OGDH: variants seen among roughly 807,000 people sequenced by gnomAD.
The protein encoded by OGDH is oxoglutarate dehydrogenase.
A neutral mutation model predicts 116.6 loss-of-function variants in OGDH; 38 were observed. That is an observed-to-expected ratio of 0.33 (90% CI 0.25 to 0.43). The LOEUF is 0.43. Ranked by LOEUF, OGDH falls within the 20% of genes least tolerant of loss-of-function variation. The pLI is 1.00. For missense variants in OGDH, 825 were observed against 1,357.2 expected, an observed-to-expected ratio of 0.61 and a Z score of 6.16; for synonymous variants, 488 against 533.3, an observed-to-expected ratio of 0.92 and a Z score of 1.17.
rs1451670719 is a variant in OGDH, at chr7:44,611,679, A to G, written c.-28+5026A>G. ...TCCCACCTTGGCTTCCTGAAGTGCC[A>G]GGATTACAGGCGTGAGCCACTGCGC... On this transcript the variant is annotated intron_variant, in intron 1 of 22. Transcript: ENST00000222673. Among the ~76,000 whole-genome samples the G allele has an allele frequency of 7.9e-5, 12 of 151,912 alleles. No individual in the cohort carries two copies. The East Asian group carries it at 2.3e-3, about 29-fold the overall frequency.
At chr7:44,619,427 C>T (rs374661406) in intron 1 of OGDH, among the ~76,000 whole-genome samples, 141 of 152,262 alleles carry the variant, frequency 9.3e-4, no homozygotes, top group African/African-American at 3.2e-3. Context: ...GAGAATTCCC[C>T]ACACATTTAG....
chr7:44,667,045 C>T (rs189484403), intron 5 of OGDH, among the ~76,000 whole-genome samples, 194 bp downstream of exon 5: 6 of 152,218 alleles, frequency 3.9e-5, no homozygotes, highest in East Asian at 3.9e-4. Context: ...CTCCCAGTCT[C>T]AAACCATCCT....
rs538749861 is a variant in OGDH at position 44,691,259 on chromosome 7, C to G, written c.1336-2566C>G. Among the ~76,000 whole-genome samples, 10 of 152,266 alleles carry G rather than the reference C, an allele frequency of 6.6e-5. No homozygotes were observed. The South Asian group carries it at 2.1e-3, about 32-fold the overall frequency. ...ACTCTTTGTCTGCCAGATGCAATGG[C>G]TCAAACCTGTTCCCAATACTTTGGG... is the stretch of plus-strand genomic sequence containing the variant. On this transcript the variant is annotated intron_variant, in intron 10 of 22. Transcript: ENST00000222673.
At chr7:44,702,786 C>T (rs960668648) in intron 20 of OGDH, among the ~76,000 whole-genome samples, 23 of 151,932 alleles carry the variant, frequency 1.5e-4, no homozygotes, top group African/African-American at 5.1e-4. Context: ...TTAGTAGAGA[C>T]GGGGTTTCAC....
At position 44,650,460 on chromosome 7, in the gene OGDH, C is replaced by A. The variant is rs554177341; in HGVS notation, c.517+2701C>A. ...CATCTGTAAGGCAGGGGTGATGGTACCTACCTCCTCAGGTGGTTTCAAAAT... is the reference window on the plus strand; with the variant it reads ...CATCTGTAAGGCAGGGGTGATGGTAACTACCTCCTCAGGTGGTTTCAAAAT... On this transcript the variant is annotated intron_variant, in intron 4 of 22. Transcript: ENST00000222673. 1.4e-4 allele frequency among the ~76,000 whole-genome samples: 22 copies of A among 152,284 alleles called. No individual in the cohort carries two copies. In the South Asian group the frequency reaches 4.6e-3, roughly 32 times the overall value.
At chr7:44,688,677 G>A (rs188064713) in intron 10 of OGDH, among the ~76,000 whole-genome samples, 197 of 151,728 alleles carry the variant, frequency 1.3e-3, no homozygotes, top group Non-Finnish European at 2.3e-3. Context: ...TGATCCGCCA[G>A]CCTCGGCCTC....
chr7:44,702,629 A>G (rs914001568), intron 20 of OGDH, among the ~76,000 whole-genome samples: 6 of 151,756 alleles, frequency 4.0e-5, no homozygotes, highest in African/African-American at 9.7e-5. Context: ...GTCTCGCTCT[A>G]TCGCTCAGGC....
intron 1 of OGDH, among the ~76,000 whole-genome samples, chr7:44,620,840 G>C (rs557136095): frequency 6.6e-6 from 1 of 152,240 alleles, no homozygotes; most frequent in South Asian, 2.1e-4. Flanking sequence ...ATGTGGCCCA[G>C]GGAAGCCAAA....
intron 5 of OGDH, among the ~76,000 whole-genome samples, chr7:44,672,644 G>T (rs7803556): frequency 0.18 from 24,394 of 133,626 alleles, 4,206 homozygotes; most frequent in African/African-American, 0.45. Context: ...TTTGTTTTTT[G>T]TTTTTTTTTT....
chr7:44,626,904 C>T (rs1223147297), intron 2 of OGDH, among the ~76,000 whole-genome samples: 1 of 152,214 alleles, frequency 6.6e-6, no homozygotes, highest in Non-Finnish European at 1.5e-5. Flanking sequence ...GACTTCATCA[C>T]TCCTCTGCCA....
intron 1 of OGDH, among the ~76,000 whole-genome samples, chr7:44,607,863 G>A (rs1259359275): frequency 6.6e-6 from 1 of 151,996 alleles, no homozygotes; most frequent in African/African-American, 2.4e-5. Flanking sequence ...CATCACGCCC[G>A]GCTAATTTTT....
chr7:44,665,752 A>G (rs1008112310), intron 4 of OGDH, among the ~76,000 whole-genome samples: 1 of 152,206 alleles, frequency 6.6e-6, no homozygotes, highest in African/African-American at 2.4e-5. Flanking sequence ...AAGGTATTCA[A>G]GCGCTAGTGA....
chr7:44,675,114 C>A, intron 7 of OGDH, 64 bp from the exon 8 acceptor site: 1 of 1,315,136 alleles, frequency 7.6e-7, no homozygotes. Flanking sequence ...TTGTAACACC[C>A]TCATCTGCCA....
intron 2 of OGDH, among the ~76,000 whole-genome samples, chr7:44,630,372 A>G (rs545328321): frequency 4.6e-5 from 7 of 152,188 alleles, no homozygotes; most frequent in Non-Finnish European, 1.0e-4. Flanking sequence ...AGGAGATCTG[A>G]TATGTTCACG....
At chr7:44,676,745 G>T (rs1787720410) in intron 9 of OGDH, 4 of 192,090 alleles carry the variant, frequency 2.1e-5, no homozygotes, top group African/African-American at 4.8e-5. Flanking sequence ...GTTTGCTTTT[G>T]TCTTCACCAA....
At chr7:44,646,094 C>T (rs1405348773) in intron 3 of OGDH, among the ~76,000 whole-genome samples, 1 of 152,134 alleles carries the variant, frequency 6.6e-6, no homozygotes, top group Non-Finnish European at 1.5e-5. Flanking sequence ...AGGTTTTTCC[C>T]CCCATCCTTT....
At chr7:44,645,627 C>A in intron 3 of OGDH, 109 bp downstream of exon 3, 1 of 1,012,532 alleles carries the variant, frequency 9.9e-7, no homozygotes, top group Non-Finnish European at 1.4e-6. Context: ...TTACTTATAC[C>A]TCCTCAAATA....
At chr7:44,684,383 A>G (rs747348408) in intron 10 of OGDH, among the ~76,000 whole-genome samples, 2 of 152,214 alleles carry the variant, frequency 1.3e-5, no homozygotes, top group African/African-American at 4.8e-5. Context: ...AAAAATTTAA[A>G]TTTAAATAAG....
intron 1 of OGDH, among the ~76,000 whole-genome samples, chr7:44,608,809 A>G (rs1784454110): frequency 6.6e-6 from 1 of 152,220 alleles, no homozygotes; most frequent in Non-Finnish European, 1.5e-5. Flanking sequence ...TTATTGAGAA[A>G]TTCATTTTGA....
Sources: allele counts gnomAD v4.1 joint callset (sites outside exome capture counted in the v4.1 genomes callset), GRCh38; gene constraint gnomAD v4.1.1; transcripts MANE v1.5; gene names NCBI Gene and HGNC (gene_info 2026-07-23, HGNC 2026-07-21).